Variants in ABCA13 observed in about 807,000 individuals in gnomAD.
The protein encoded by ABCA13 is ATP binding cassette subfamily A member 13.
In ABCA13, 476 loss-of-function variants were observed where a neutral mutation model predicts 478.7. The observed-to-expected ratio is 0.99, with a 90% CI of 0.92 to 1.07. The LOEUF is 1.07. Among genes scored for constraint, ABCA13 ranks in the 50% least tolerant of loss-of-function variants. The pLI is 0.00. For synonymous variants in ABCA13, 2,252 were observed against 2,158.9 expected (o/e 1.04, Z -1.20); for missense variants, 6,060 against 5,910.6 (o/e 1.03, Z -0.83).
intron 59 of ABCA13, among the ~76,000 whole-genome samples, chr7:48,617,106 A>T (rs942885475): frequency 7.9e-5 from 12 of 152,226 alleles, no homozygotes; most frequent in Non-Finnish European, 1.6e-4. Flanking sequence ...CAAACACATG[A>T]TGATGCCTGT....
intron 60 of ABCA13, among the ~76,000 whole-genome samples, chr7:48,643,841 C>T (rs1245823671): frequency 2.0e-5 from 3 of 152,134 alleles, no homozygotes. Context: ...GGTCACTGAA[C>T]CAGCAGCATC....
At position 48,564,807 on chromosome 7, in the gene ABCA13, G is replaced by A. The variant is rs187157026; in HGVS notation, c.14355-15417G>A. Reference sequence around the variant, plus strand: ...AAAATTTTTGAATCTACATATATTTGGAAAATAATACAAATATGTGTAAGC... The same window carrying A: ...AAAATTTTTGAATCTACATATATTTAGAAAATAATACAAATATGTGTAAGC... On this transcript the variant is annotated intron_variant, in intron 55 of 61. Coordinates refer to ENST00000435803, the MANE Select transcript of ABCA13 (RefSeq NM_152701.5). 5.5e-3 allele frequency among the ~76,000 whole-genome samples: 843 copies of A among 152,114 alleles called. 4 individuals carry two copies. The highest frequency in any genetic ancestry group is 8.2e-3 in the Non-Finnish European group (554 of 67,970).
chr7:48,516,941 A>G, intron 52 of ABCA13, 60 bp downstream of exon 52: 2 of 1,532,796 alleles, frequency 1.3e-6, no homozygotes, highest in Non-Finnish European at 1.8e-6. Context: ...AGACGGTGTT[A>G]ACTCATGCCT....
In ABCA13 at chr7:48,275,949, C is replaced by T. The variant is rs1488220377; in HGVS notation, c.6283C>T (p.Gln2095Ter). The part of the protein sequence containing the change: ...GIKSINSMAL[Q>*]KITLQFAHFL... ...CAAAAGTATAAATTCAATGGCTCTT[C>T]AAAAGATAACTTTGCAGTTTGCCCA... The change falls in exon 17 of 62, where the codon CAA (glutamine) becomes TAA (stop). Residue 2095 changes from glutamine to a stop codon, truncating the protein, a stop_gained. Coordinates refer to ENST00000435803, the MANE Select transcript of ABCA13 (RefSeq NM_152701.5). LOFTEE classifies it high-confidence loss of function. 6.2e-7 allele frequency: 1 copy of T among 1,613,540 alleles called. No homozygotes were observed. The highest frequency in any genetic ancestry group is 2.2e-5 in the East Asian group (1 of 44,852).
Position 48,410,642 on chromosome 7 carries a change from T to C in ABCA13, c.12193T>C (p.Tyr4065His), listed in dbSNP as rs199798129. Residue 4065 changes from tyrosine (Y) to histidine (H), a missense_variant, in exon 40 of 62, where the codon TAT becomes CAT. Coordinates refer to ENST00000435803, the MANE Select transcript of ABCA13 (RefSeq NM_152701.5). ...CGPPFCLKEA[Y>H]GQGLRLTLTR... Reference sequence around the variant, plus strand: ...TCCTCCCTTCTGCCTGAAGGAGGCATATGGCCAGGGGCTCCGCCTGACACT... The same window carrying C: ...TCCTCCCTTCTGCCTGAAGGAGGCACATGGCCAGGGGCTCCGCCTGACACT... 8 of 1,614,032 alleles carry C rather than the reference T, an allele frequency of 5.0e-6. No homozygotes were observed. Among genetic ancestry groups the C allele is most frequent in the Admixed American group, 1.7e-5 (1 of 60,030 alleles).
chr7:48,253,891 C>A (rs184280526), intron 15 of ABCA13, among the ~76,000 whole-genome samples: 2 of 151,894 alleles, frequency 1.3e-5, no homozygotes, highest in African/African-American at 4.8e-5. Flanking sequence ...TCTTTTACCT[C>A]AATTTCTTTT....
intron 51 of ABCA13, among the ~76,000 whole-genome samples, chr7:48,514,953 A>T (rs1831995980): frequency 1.3e-5 from 2 of 152,122 alleles, no homozygotes; most frequent in Admixed American, 1.3e-4. Flanking sequence ...ACACTATATG[A>T]TTTTATATAT....
chr7:48,243,678 C>G (rs1303452140), intron 10 of ABCA13, among the ~76,000 whole-genome samples: 1 of 152,198 alleles, frequency 6.6e-6, no homozygotes, highest in Non-Finnish European at 1.5e-5. Context: ...ATTTATCAAG[C>G]CTGTGTTCAA....
chr7:48,283,817 C>T (rs1196602565), intron 19 of ABCA13, among the ~76,000 whole-genome samples: 2 of 152,132 alleles, frequency 1.3e-5, no homozygotes, highest in South Asian at 2.1e-4. Flanking sequence ...CAAGTGATGT[C>T]GTGAGAAGTG....
intron 35 of ABCA13, among the ~76,000 whole-genome samples, chr7:48,384,312 A>C (rs1441808322): frequency 6.6e-6 from 1 of 152,236 alleles, no homozygotes; most frequent in Non-Finnish European, 1.5e-5. Flanking sequence ...TGTAATTGGT[A>C]CTGGAAGAAA....
intron 43 of ABCA13, among the ~76,000 whole-genome samples, chr7:48,465,499 C>G (rs1826770906): frequency 6.8e-6 from 1 of 147,722 alleles, no homozygotes; most frequent in Non-Finnish European, 1.5e-5. Flanking sequence ...ACAGATTGCT[C>G]TGTGGTTGCT....
intron 55 of ABCA13, among the ~76,000 whole-genome samples, chr7:48,578,759 CAA>C (rs1788425202): frequency 6.6e-6 from 1 of 152,148 alleles, no homozygotes; most frequent in Non-Finnish European, 1.5e-5. Context: ...TATGGAAGAA[CAA>C]AGTCTGAAGA....
chr7:48,282,363 C>T (rs1797164428), intron 19 of ABCA13, among the ~76,000 whole-genome samples: 1 of 152,214 alleles, frequency 6.6e-6, no homozygotes, highest in East Asian at 1.9e-4. Context: ...GTGCTGCCAT[C>T]CTCTGGCCCA....
chr7:48,254,768 C>T (rs1793137500), intron 15 of ABCA13, among the ~76,000 whole-genome samples: 2 of 152,106 alleles, frequency 1.3e-5, no homozygotes, highest in African/African-American at 4.8e-5. Flanking sequence ...GGGGTGTAGC[C>T]TTCTGGGGGT....
At position 48,372,393 on chromosome 7, in the gene ABCA13, A is replaced by G. The variant is rs1321083229; in HGVS notation, c.11029A>G (p.Thr3677Ala). Reference sequence around the variant, plus strand: ...GAGTGCATTTTTCAGCCAAGCTAATACAGCGGCCCTTTGTACCAGCCTGGT... The same window carrying G: ...GAGTGCATTTTTCAGCCAAGCTAATGCAGCGGCCCTTTGTACCAGCCTGGT... ...LLSAFFSQAN[T>A]AALCTSLVYM... Residue 3677 changes from threonine to alanine, a missense_variant, in exon 33 of 62, where the codon ACA (threonine) becomes GCA (alanine). By Grantham distance (58) the Thr-to-Ala change is moderately conservative (BLOSUM62 0). Around this residue, in one of 3 missense-constraint regions of ABCA13, gnomAD observed 4,423 missense variants for 4,309.1 expected, o/e 1.03. Coordinates refer to ENST00000435803, the MANE Select transcript of ABCA13 (RefSeq NM_152701.5). 1.2e-6 allele frequency: 2 copies of G among 1,613,812 alleles called. No homozygotes were observed. The highest frequency in any genetic ancestry group is 1.1e-5 in the South Asian group (1 of 91,086).
intron 3 of ABCA13, among the ~76,000 whole-genome samples, chr7:48,200,785 A>G (rs1031139051): frequency 3.3e-5 from 5 of 152,178 alleles, no homozygotes; most frequent in African/African-American, 1.2e-4. Context: ...TATTGGAGTA[A>G]GTGTGGATTC....
At chr7:48,545,158 T>A (rs1303348238) in intron 55 of ABCA13, among the ~76,000 whole-genome samples, 1 of 151,880 alleles carries the variant, frequency 6.6e-6, no homozygotes, top group Non-Finnish European at 1.5e-5. Flanking sequence ...TCCCTGATGG[T>A]GCAAGAGCTA....
chr7:48,519,807 A>G (rs529858520), intron 52 of ABCA13, among the ~76,000 whole-genome samples: 2 of 152,286 alleles, frequency 1.3e-5, no homozygotes, highest in South Asian at 4.1e-4. Context: ...AGATGTAAAA[A>G]TCATCACTGT....
chr7:48,176,568 T>C (rs1794907966), intron 1 of ABCA13, among the ~76,000 whole-genome samples: 1 of 152,172 alleles, frequency 6.6e-6, no homozygotes, highest in African/African-American at 2.4e-5. Flanking sequence ...ATAAGAATTA[T>C]GGTGTTATGC....
Sources: gnomAD v4.1 joint callset for allele counts (sites outside exome capture counted in the v4.1 genomes callset) on GRCh38, gnomAD v4.1.1 for gene constraint, gnomAD v4.1.1 regional missense constraint, MANE v1.5 for transcripts, NCBI Gene and HGNC (gene_info 2026-07-23, HGNC 2026-07-21) for gene names.